RPN2: variants seen among roughly 807,000 people sequenced by gnomAD.
RPN2 encodes ribophorin II.
Under a neutral mutation model 71.4 loss-of-function variants are expected in RPN2, and 29 were observed. The observed-to-expected ratio is 0.41, with a 90% CI of 0.30 to 0.55. RPN2 has a LOEUF of 0.55. RPN2 is among the 20% of genes least tolerant of loss of function. The pLI is 0.35. For missense variants in RPN2, 726 were observed against 774.1 expected, an observed-to-expected ratio of 0.94 and a Z score of 0.74; for synonymous variants, 308 against 305.0, an observed-to-expected ratio of 1.01 and a Z score of -0.10.
At position 37,232,386 on chromosome 20, in the gene RPN2, G is replaced by C. The variant is rs754199328; in HGVS notation, c.1672G>C (p.Ala558Pro). ...LILSPLLLLFALWIRIGANVS... is the reference protein window; with the variant it reads ...LILSPLLLLFPLWIRIGANVS... ...CCTCTCGCCGTTGCTTCTGCTCTTC[G>C]CTCTGGTGAGTGGCTGTAATTAGCG... Residue 558 changes from alanine (A) to proline (P), a missense_variant, in exon 14 of 17, where the codon GCT becomes CCT. Physicochemically the swap from Ala to Pro is conservative, Grantham distance 27 (BLOSUM62 -1). Coordinates refer to ENST00000237530, the MANE Select transcript of RPN2 (RefSeq NM_002951.5). 5.0e-6 allele frequency: 8 copies of C among 1,614,012 alleles called. No individual in the cohort carries two copies. The highest frequency in any genetic ancestry group is 3.3e-4 in the Middle Eastern group (2 of 6,084).
At position 37,229,013 on chromosome 20, in the gene RPN2, A is replaced by G. The variant is rs80276293; in HGVS notation, c.1494+269A>G. ...CTAGTATCTGTGAATTTCTATAAAC[A>G]TTATACAGGAAGGCCGTTTTCATAT... On this transcript the variant is annotated intron_variant, in intron 12 of 16. Coordinates refer to ENST00000237530, the MANE Select transcript of RPN2 (RefSeq NM_002951.5). 1.8e-3 allele frequency among the ~76,000 whole-genome samples: 280 copies of G among 152,256 alleles called. 8 individuals are homozygous for G. In the East Asian group the frequency reaches 0.048, roughly 26 times the overall value.
intron 1 of RPN2, among the ~76,000 whole-genome samples, chr20:37,182,280 G>C (rs1288533081): frequency 1.3e-5 from 2 of 151,842 alleles, no homozygotes; most frequent in East Asian, 3.9e-4. Context: ...TTTTAGTAGA[G>C]ACAGGGTTTC....
In RPN2 at chr20:37,207,378, C is replaced by T. The variant is rs564659421; in HGVS notation, c.796C>T (p.Arg266Cys). The T allele has an allele frequency of 8.5e-5, 138 of 1,614,104 alleles. No homozygotes were observed. Among genetic ancestry groups the T allele is most frequent in the East Asian group, 6.9e-4 (31 of 44,888 alleles). ...ASAAAVLSHN[R>C]YHVPVVVVPE... ...TGCAGCTGCTGTGCTCTCGCATAATCGCTACCACGTGCCAGTTGTGGTTGT... is the reference window on the plus strand; with the variant it reads ...TGCAGCTGCTGTGCTCTCGCATAATTGCTACCACGTGCCAGTTGTGGTTGT... The change falls in exon 7 of 17, where the codon CGC becomes TGC. Residue 266 changes from arginine (R) to cysteine (C), a missense_variant. Coordinates refer to ENST00000237530, the MANE Select transcript of RPN2 (RefSeq NM_002951.5).
intron 4 of RPN2, among the ~76,000 whole-genome samples, chr20:37,202,814 A>G (rs1262515536): frequency 5.9e-5 from 9 of 152,354 alleles, no homozygotes; most frequent in Admixed American, 5.2e-4. Flanking sequence ...CACAGATTGT[A>G]TGATTCCATT....
intron 16 of RPN2, chr20:37,238,385 C>T (rs769936944): frequency 6.2e-7 from 1 of 1,601,758 alleles, no homozygotes; most frequent in Admixed American, 1.7e-5. Context: ...ATTCTCAAAC[C>T]CTCTTTCCTT....
intron 9 of RPN2, among the ~76,000 whole-genome samples, chr20:37,223,499 C>T (rs1252740043): frequency 2.0e-5 from 3 of 152,186 alleles, no homozygotes; most frequent in African/African-American, 4.8e-5. Flanking sequence ...ATGGTAAGCA[C>T]TCAATAAATC....
intron 8 of RPN2, among the ~76,000 whole-genome samples, chr20:37,210,567 G>C (rs1229118220): frequency 9.2e-6 from 1 of 108,782 alleles, no homozygotes; most frequent in Admixed American, 1.1e-4. Flanking sequence ...TTTTGCTCTT[G>C]TTGCCCAGGC....
chr20:37,232,211 C>T (rs542581335), intron 13 of RPN2, 85 bp from the exon 14 acceptor site: 1 of 1,525,352 alleles, frequency 6.6e-7, no homozygotes, highest in East Asian at 2.3e-5. Flanking sequence ...TCATGACTGA[C>T]ATTGATGCTT....
chr20:37,232,995 G>A (rs1215371609), intron 14 of RPN2, among the ~76,000 whole-genome samples: 1 of 151,950 alleles, frequency 6.6e-6, no homozygotes, highest in Non-Finnish European at 1.5e-5. Flanking sequence ...TGGGAGGATT[G>A]CTTGAAGCTC....
intron 16 of RPN2, among the ~76,000 whole-genome samples, chr20:37,240,148 A>G (rs2068515231): frequency 6.6e-6 from 1 of 152,186 alleles, no homozygotes; most frequent in Non-Finnish European, 1.5e-5. Context: ...GACATTTGGC[A>G]TTTCCTAGCA....
At chr20:37,227,512 G>A (rs984122529) in intron 11 of RPN2, among the ~76,000 whole-genome samples, 2 of 152,198 alleles carry the variant, frequency 1.3e-5, no homozygotes, top group Non-Finnish European at 2.9e-5. Flanking sequence ...CTGTAGTTGG[G>A]ATGCTTCATA....
chr20:37,237,479 A>G (rs1205634423), intron 16 of RPN2, among the ~76,000 whole-genome samples: 1 of 152,184 alleles, frequency 6.6e-6, no homozygotes, highest in Non-Finnish European at 1.5e-5. Context: ...TGCTGGAAGA[A>G]TGTAACTCAA....
Position 37,210,188 on chromosome 20 carries a change from T to C in RPN2, c.986+23T>C, listed in dbSNP as rs2050091. ...AGGGTAAGTCCTGATCATATTTTGG[T>C]GGGGCGCTGACCTCTTTGTTTTGGA... is the stretch of plus-strand genomic sequence containing the variant. On this transcript the variant is annotated intron_variant, in intron 8 of 16. Coordinates refer to ENST00000237530, the MANE Select transcript of RPN2 (RefSeq NM_002951.5). 0.96 allele frequency: 1,550,341 copies of C among 1,612,620 alleles called. 745,460 individuals carry two copies. Among genetic ancestry groups the C allele is most frequent in the East Asian group, 1 (44,859 of 44,860 alleles).
At chr20:37,230,133 C>A in intron 13 of RPN2, 74 bp downstream of exon 13, 5 of 1,116,714 alleles carry the variant, frequency 4.5e-6, no homozygotes, top group Non-Finnish European at 5.5e-6. Context: ...TGGCTCTGCT[C>A]CCTTTAACTT....
intron 2 of RPN2, among the ~76,000 whole-genome samples, chr20:37,185,747 C>CAAGG (rs1423800191): frequency 6.6e-6 from 1 of 152,224 alleles, no homozygotes; most frequent in African/African-American, 2.4e-5. Context: ...CCTGTCTCAG[C>CAAGG]TTCCTGAGTA....
chr20:37,179,590 G>C, intron 1 of RPN2: 1 of 1,223,458 alleles, frequency 8.2e-7, no homozygotes, highest in Non-Finnish European at 1.1e-6. Flanking sequence ...GAGGGGTGCA[G>C]CGCGGAGCTA....
chr20:37,208,548 T>C lies in RPN2; in HGVS notation c.867+1099T>C, dbSNP rs559943090. On this transcript the variant is annotated intron_variant, in intron 7 of 16. Transcript: ENST00000237530. ...ATATGTTATTTTACGACAGCTGTTTTAATTCTCAATTAATTCTGGTGTTTA... is the reference window on the plus strand; with the variant it reads ...ATATGTTATTTTACGACAGCTGTTTCAATTCTCAATTAATTCTGGTGTTTA... Among the ~76,000 whole-genome samples, 53 of 152,342 alleles carry C rather than the reference T, an allele frequency of 3.5e-4. 1 individual carries two copies. In the South Asian group the frequency reaches 0.011, roughly 30 times the overall value.
At chr20:37,224,369 A>G (rs2068029053) in intron 10 of RPN2, among the ~76,000 whole-genome samples, 1 of 152,218 alleles carries the variant, frequency 6.6e-6, no homozygotes, top group Non-Finnish European at 1.5e-5. Flanking sequence ...TCTCCTTATC[A>G]TCACAGTCCT....
intron 9 of RPN2, among the ~76,000 whole-genome samples, chr20:37,216,635 C>A (rs1207682185): frequency 1.3e-5 from 2 of 151,594 alleles, no homozygotes; most frequent in African/African-American, 2.4e-5. Context: ...CTAATTTTTG[C>A]ATTTTTAGTA....
Sources: allele counts gnomAD v4.1 joint callset (sites outside exome capture counted in the v4.1 genomes callset), GRCh38; gene constraint gnomAD v4.1.1; transcripts MANE v1.5; gene names NCBI Gene and HGNC (gene_info 2026-07-23, HGNC 2026-07-21).